Variants in PARVB observed in about 807,000 individuals in gnomAD.
PARVB encodes beta-parvin.
Under a neutral mutation model 47.0 loss-of-function variants are expected in PARVB, and 46 were observed. That is an observed-to-expected ratio of 0.98 (90% CI 0.77 to 1.25). PARVB has a LOEUF of 1.25. Ranked by LOEUF, PARVB falls within the 50% of genes most tolerant of loss-of-function variation. The pLI is 0.00. For missense variants in PARVB, 473 were observed against 471.6 expected, an observed-to-expected ratio of 1.00 and a Z score of -0.03; for synonymous variants, 196 against 196.3, an observed-to-expected ratio of 1.00 and a Z score of 0.01.
intron 1 of PARVB, among the ~76,000 whole-genome samples, chr22:44,091,675 A>G (rs1463541684): frequency 6.6e-6 from 1 of 152,158 alleles, no homozygotes; most frequent in African/African-American, 2.4e-5. Flanking sequence ...AGGGCTAGAT[A>G]ATATTCCGTT....
At chr22:44,100,598 G>A (rs943277119) in intron 3 of PARVB, among the ~76,000 whole-genome samples, 11 of 152,134 alleles carry the variant, frequency 7.2e-5, no homozygotes, top group African/African-American at 2.2e-4. Flanking sequence ...GTCTGGAGGC[G>A]TGAATCCCAG....
intron 11 of PARVB, among the ~76,000 whole-genome samples, chr22:44,159,798 C>T (rs942932299): frequency 8.5e-5 from 13 of 152,146 alleles, no homozygotes; most frequent in Non-Finnish European, 1.6e-4. Context: ...GCCCAACACC[C>T]GTGTACTCAA....
chr22:44,080,808 C>G (rs1057408114), intron 1 of PARVB, among the ~76,000 whole-genome samples: 1 of 152,210 alleles, frequency 6.6e-6, no homozygotes, highest in African/African-American at 2.4e-5. Context: ...CGAGTGTTCA[C>G]GGAGCACCTG....
At chr22:44,127,566 T>C (rs971158174) in intron 4 of PARVB, among the ~76,000 whole-genome samples, 1 of 152,102 alleles carries the variant, frequency 6.6e-6, no homozygotes, top group African/African-American at 2.4e-5. Context: ...AGAGAAGAGG[T>C]CTGAGGACTG....
At chr22:44,008,373 A>G (rs1314731177) in intron 2 of PARVB, among the ~76,000 whole-genome samples, 1 of 152,096 alleles carries the variant, frequency 6.6e-6, no homozygotes, top group African/African-American at 2.4e-5. Context: ...ACCTCCCAGC[A>G]TGCTGGGATT....
Position 44,024,405 on chromosome 22 carries a change from G to C in PARVB, c.66G>C (p.Leu22=). The C allele has an allele frequency of 7.9e-7, 1 of 1,259,302 alleles. No individual in the cohort carries two copies. The highest frequency in any genetic ancestry group is 1.0e-6 in the Non-Finnish European group (1 of 988,188). 78.0% of individuals were successfully genotyped at this position (1,259,302 alleles called of 1,614,324 possible). Residue 22 remains leucine, a synonymous_variant, in exon 1 of 13, where the codon CTG becomes CTC. Transcript: ENST00000338758. ...GGATGAAGAAGGACGAGTCGTTCCT[G>C]GGCAAGCTGGGCGGCACCCTGGCCA... The part of the protein sequence containing the change: ...PRRMKKDESF[L]GKLGGTLARK...
chr22:44,161,431 A>G (rs2054051055), intron 11 of PARVB, among the ~76,000 whole-genome samples: 1 of 150,360 alleles, frequency 6.7e-6, no homozygotes, highest in African/African-American at 2.5e-5. Context: ...CTTCTGCCTC[A>G]GCCTCCTTAG....
At chr22:44,072,518 G>A (rs1294768188) in intron 1 of PARVB, among the ~76,000 whole-genome samples, 1 of 152,096 alleles carries the variant, frequency 6.6e-6, no homozygotes, top group Admixed American at 6.6e-5. Flanking sequence ...TCATCTCACC[G>A]CAACCTCCAT....
chr22:44,093,999 C>T lies in PARVB; in HGVS notation c.184C>T (p.Pro62Ser), dbSNP rs2052235269. Residue 62 changes from proline (P) to serine (S), a missense_variant, in exon 2 of 13, where the codon CCT becomes TCT. Transcript: ENST00000338758. The stretch of plus-strand genomic sequence containing the variant: ...GTCCCCCGCCCTGGTGGATGTTCAC[C>T]CTGAAGACACCCAGCTTGGTACGGG... The part of the protein sequence containing the change: ...PMSPALVDVH[P>S]EDTQLEENEE... The T allele has an allele frequency of 3.1e-6, 5 of 1,608,850 alleles. No homozygotes were observed. The African/African-American group carries it at 6.7e-5, about 22-fold the overall frequency.
In PARVB at chr22:44,119,260, G is replaced by T. The variant is rs545618704; in HGVS notation, c.376+120G>T. The T allele has an allele frequency of 5.1e-4, 371 of 733,864 alleles. 2 individuals carry two copies. The African/African-American group carries it at 5.4e-3, about 11-fold the overall frequency. 45.5% of individuals were successfully genotyped at this position (733,864 alleles called of 1,614,324 possible). On this transcript the variant is annotated intron_variant, in intron 4 of 12. Coordinates refer to ENST00000338758, the MANE Select transcript of PARVB (RefSeq NM_013327.5). Reference sequence around the variant, plus strand: ...AGGTCCTAGGAAGACACTCAAAGCTGCAGTGTGCATCTCCCAGGTGGTGCC... The same window carrying T: ...AGGTCCTAGGAAGACACTCAAAGCTTCAGTGTGCATCTCCCAGGTGGTGCC...
intron 12 of PARVB, among the ~76,000 whole-genome samples, chr22:44,165,040 T>A (rs1231409729): frequency 1.3e-5 from 2 of 152,198 alleles, no homozygotes; most frequent in African/African-American, 4.8e-5. Context: ...TTGCCCAGGC[T>A]GGAGTGCAGT....
intron 1 of PARVB, among the ~76,000 whole-genome samples, chr22:44,034,842 C>T (rs1189494668): frequency 1.3e-5 from 2 of 151,292 alleles, no homozygotes; most frequent in Non-Finnish European, 2.9e-5. Flanking sequence ...TCCCGAGTAG[C>T]TGGGATTACA....
At chr22:44,149,136 C>T (rs568124359) in intron 9 of PARVB, 68 of 152,322 alleles carry the variant, frequency 4.5e-4, no homozygotes, top group African/African-American at 1.5e-3. Context: ...ATGTTACCCA[C>T]CTCTCAGGGC....
intron 1 of PARVB, among the ~76,000 whole-genome samples, chr22:44,084,803 A>G (rs1291757655): frequency 1.3e-5 from 2 of 152,192 alleles, no homozygotes; most frequent in East Asian, 1.9e-4. Flanking sequence ...AGCCATTTCT[A>G]TGGTTGAACC....
At chr22:44,117,118 A>AC (rs1211377587) in intron 3 of PARVB, among the ~76,000 whole-genome samples, 6 of 150,728 alleles carry the variant, frequency 4.0e-5, no homozygotes, top group East Asian at 2.0e-4. Context: ...TGCTCACGGA[A>AC]CCCCCTCTCC....
upstream of PARVB, among the ~76,000 whole-genome samples, chr22:44,021,756 GACTCACACACACACACACACACACACAC>G (rs1220832839): frequency 2.5e-4 from 26 of 105,096 alleles, no homozygotes; most frequent in South Asian, 8.6e-4. Context: ...GTAAAGTCTA[GACTCACACACACACACACACACACACAC>G]ACACACACAC....
intron 7 of PARVB, among the ~76,000 whole-genome samples, chr22:44,138,815 T>C (rs1186053837): frequency 6.6e-6 from 1 of 152,134 alleles, no homozygotes; most frequent in African/African-American, 2.4e-5. Context: ...CTCCCAGGCA[T>C]CCTGAGGGCA....
rs1009912213 is a variant in PARVB, at chr22:44,041,493, AAAAAT to A, written c.112+17056_112+17060del. On this transcript the variant is annotated intron_variant, in intron 1 of 12. Transcript: ENST00000338758. ...GGTGACAGAGCAAGACTCCCTCTCA[AAAAAT>A]AAAATAAAATAAAGTTCTTTAGATG... is the stretch of plus-strand genomic sequence containing the variant. Among the ~76,000 whole-genome samples, 10 of 152,272 alleles carry A rather than the reference AAAAAT, an allele frequency of 6.6e-5. No homozygotes were observed. The Middle Eastern group carries it at 0.01, about 155-fold the overall frequency.
intron 1 of PARVB, among the ~76,000 whole-genome samples, chr22:44,047,872 G>A (rs1270498236): frequency 6.6e-6 from 1 of 152,190 alleles, no homozygotes; most frequent in Non-Finnish European, 1.5e-5. Context: ...GGACAAAGGG[G>A]ATGGCCTCAC....
Sources: gnomAD v4.1 joint callset for allele counts (sites outside exome capture counted in the v4.1 genomes callset) on GRCh38, gnomAD v4.1.1 for gene constraint, MANE v1.5 for transcripts, NCBI Gene and HGNC (gene_info 2026-07-23, HGNC 2026-07-21) for gene names.